PHF3: variants seen among roughly 807,000 people sequenced by gnomAD.
PHF3 encodes the protein PHD finger protein 3.
In PHF3, 41 loss-of-function variants were observed where a neutral mutation model predicts 178.4. That is an observed-to-expected ratio of 0.23 (90% CI 0.18 to 0.30). PHF3 has a LOEUF of 0.30. Among genes scored for constraint, PHF3 ranks in the 10% least tolerant of loss-of-function variants. PHF3 has a pLI of 1.00. For missense variants in PHF3, 2,346 were observed against 2,398.1 expected (o/e 0.98, Z 0.45); for synonymous variants, 842 against 800.5 (o/e 1.05, Z -0.88).
intron 2 of PHF3, among the ~76,000 whole-genome samples, chr6:63,663,709 A>G (rs1765563425): frequency 6.6e-6 from 1 of 152,314 alleles, no homozygotes; most frequent in Middle Eastern, 3.4e-3. Context: ...TAACAGTGGT[A>G]TAAAGAAAGA....
chr6:63,663,902 A>G (rs1397622664), intron 2 of PHF3, among the ~76,000 whole-genome samples: 1 of 152,198 alleles, frequency 6.6e-6, no homozygotes, highest in East Asian at 1.9e-4. Context: ...GGGGAGGGAA[A>G]GGTAATATCT....
At chr6:63,645,182 A>G (rs1764733359) in intron 1 of PHF3, among the ~76,000 whole-genome samples, 2 of 151,970 alleles carry the variant, frequency 1.3e-5, no homozygotes, top group South Asian at 4.1e-4. Flanking sequence ...CTGGCAGGAA[A>G]ATTGTTTTTA....
intron 2 of PHF3, among the ~76,000 whole-genome samples, chr6:63,658,238 C>T (rs1765318947): frequency 1.3e-5 from 2 of 152,194 alleles, no homozygotes; most frequent in African/African-American, 4.8e-5. Flanking sequence ...AGCTTCAGCT[C>T]CTTTGGACTC....
In PHF3 at chr6:63,718,093, AG is replaced by A. The variant is rs1251059170; in HGVS notation, c.*4387del. Among the ~76,000 whole-genome samples the A allele has an allele frequency of 3.9e-5, 6 of 152,030 alleles. No individual in the cohort carries two copies. Among genetic ancestry groups the A allele is most frequent in the African/African-American group, 1.4e-4 (6 of 41,442 alleles). On this transcript the variant is annotated 3_prime_UTR_variant, in exon 16 of 16. Transcript: ENST00000262043. ...TGTTGATTTGTTACATGAACTTTCCAGGATTTTAAGGTGAAAAATATATTTT... is the reference window on the plus strand; with the variant it reads ...TGTTGATTTGTTACATGAACTTTCCAGATTTTAAGGTGAAAAATATATTTT...
chr6:63,645,482 C>G (rs955834704), intron 1 of PHF3, among the ~76,000 whole-genome samples: 9 of 152,026 alleles, frequency 5.9e-5, no homozygotes, highest in Non-Finnish European at 1.0e-4. Context: ...AAATTCTTCC[C>G]TCATTTTTAT....
chr6:63,683,543 T>G (rs913324082), intron 3 of PHF3, among the ~76,000 whole-genome samples: 2 of 152,086 alleles, frequency 1.3e-5, no homozygotes, highest in African/African-American at 4.8e-5. Flanking sequence ...TGTGGTACTC[T>G]GTGTTGATAT....
intron 2 of PHF3, among the ~76,000 whole-genome samples, chr6:63,654,275 G>A (rs926413081): frequency 2.0e-5 from 3 of 152,178 alleles, no homozygotes; most frequent in African/African-American, 7.2e-5. Flanking sequence ...TATTATTACA[G>A]AGACAATCAT....
At position 63,721,027 on chromosome 6, in the gene PHF3, G is replaced by A. The variant is rs1222876361; in HGVS notation, c.*7319G>A. The A allele has an allele frequency of 6.4e-7, 1 of 1,551,196 alleles. No homozygotes were observed. Among genetic ancestry groups the A allele is most frequent in the South Asian group, 1.2e-5 (1 of 84,048 alleles). On this transcript the variant is annotated 3_prime_UTR_variant, in exon 16 of 16. Transcript: ENST00000262043. ...GCCAGAAAATCATTTTCTTCATTTT[G>A]AGCTATTCCCATCCATACAATTAGA...
chr6:63,703,501 C>T (rs1391451813), intron 10 of PHF3, 35 bp from the exon 11 acceptor site: 3 of 1,573,482 alleles, frequency 1.9e-6, no homozygotes, highest in Non-Finnish European at 2.6e-6. Context: ...CAAATTTTAT[C>T]AGCTAAAACT....
rs187444323 is a variant in PHF3, at chr6:63,636,299, C to T, written c.-26+149C>T. ...CTCCCGCGCAGCCGAGAGATCGCCTCTCGGGCCTCTTGCGCAACGTCCTCG... is the reference window on the plus strand; with the variant it reads ...CTCCCGCGCAGCCGAGAGATCGCCTTTCGGGCCTCTTGCGCAACGTCCTCG... On this transcript the variant is annotated intron_variant, in intron 1 of 15. Transcript: ENST00000262043. The T allele has an allele frequency of 1.1e-4, 24 of 217,738 alleles. No homozygotes were observed. In the Admixed American group the frequency reaches 1.1e-3, roughly 10 times the overall value. 13.5% of individuals were successfully genotyped at this position (217,738 alleles called of 1,614,324 possible). A position where few individuals can be genotyped will look rare whatever the true frequency, so the allele number is the denominator to read the frequency against.
At chr6:63,667,513 A>G (rs928022239) in intron 2 of PHF3, among the ~76,000 whole-genome samples, 2 of 152,196 alleles carry the variant, frequency 1.3e-5, no homozygotes, top group African/African-American at 4.8e-5. Flanking sequence ...TTTATCATGT[A>G]TCTTCCCAAA....
At chr6:63,703,305 GA>G (rs1353724940) in intron 10 of PHF3, among the ~76,000 whole-genome samples, 1 of 151,958 alleles carries the variant, frequency 6.6e-6, no homozygotes, top group Non-Finnish European at 1.5e-5. Context: ...AATCTTACTA[GA>G]AGGCTTGAAG....
In PHF3 at chr6:63,720,583, C is replaced by T. The variant is rs549203667; in HGVS notation, c.*6875C>T. On this transcript the variant is annotated 3_prime_UTR_variant, in exon 16 of 16. Coordinates refer to ENST00000262043, the MANE Select transcript of PHF3 (RefSeq NM_001370348.2). ...ATTTATGTATAGTGTGTACTAAAATCTCTAGTGTTAACTTATGTAACCTCA... is the reference window on the plus strand; with the variant it reads ...ATTTATGTATAGTGTGTACTAAAATTTCTAGTGTTAACTTATGTAACCTCA... 6.9e-7 allele frequency: 1 copy of T among 1,446,186 alleles called. No individual in the cohort carries two copies. Among genetic ancestry groups the T allele is most frequent in the Admixed American group, 2.7e-5 (1 of 36,976 alleles). The allele number at this position is 1,446,186 out of a possible 1,614,324, so 89.6% of individuals were successfully genotyped here.
At chr6:63,699,997 A>G (rs1767402940) in intron 8 of PHF3, among the ~76,000 whole-genome samples, 2 of 152,186 alleles carry the variant, frequency 1.3e-5, no homozygotes, top group South Asian at 2.1e-4. Context: ...TATGAAGACC[A>G]TTACATTGAG....
At position 63,646,692 on chromosome 6, in the gene PHF3, C is replaced by T; in HGVS notation, c.141C>T (p.Asn47=). ...ATGTCTTAGAGGACTCGCTGAAGAA[C>T]ATGCTCAGCGATAAGGATCCTATGC... ...SQNVLEDSLK[N]MLSDKDPMLG... Residue 47 remains asparagine, a synonymous_variant, in exon 2 of 16, where the codon AAC becomes AAT. Transcript: ENST00000262043. 2 of 1,613,022 alleles carry T rather than the reference C, an allele frequency of 1.2e-6. No individual in the cohort carries two copies. Among genetic ancestry groups the T allele is most frequent in the Non-Finnish European group, 8.5e-7 (1 of 1,179,398 alleles).
At chr6:63,648,419 A>G (rs1561939478) in intron 2 of PHF3, among the ~76,000 whole-genome samples, 1 of 152,174 alleles carries the variant, frequency 6.6e-6, no homozygotes, top group Non-Finnish European at 1.5e-5. Flanking sequence ...CTGGAACTCC[A>G]GTTACCTTCA....
intron 2 of PHF3, among the ~76,000 whole-genome samples, chr6:63,665,486 G>GTTTTTT (rs11427203): frequency 1.4e-4 from 16 of 111,214 alleles, no homozygotes; most frequent in African/African-American, 2.8e-4. Flanking sequence ...GTTTTTTTTT[G>GTTTTTT]TTTTTTTTTT....
chr6:63,650,549 C>T (rs1202073261), intron 2 of PHF3, among the ~76,000 whole-genome samples: 1 of 152,166 alleles, frequency 6.6e-6, no homozygotes, highest in East Asian at 1.9e-4. Flanking sequence ...TGCTTTCAAG[C>T]AAAGTGTTGT....
intron 1 of PHF3, among the ~76,000 whole-genome samples, chr6:63,639,295 T>A (rs1006715094): frequency 3.3e-5 from 5 of 152,208 alleles, no homozygotes; most frequent in African/African-American, 9.6e-5. Context: ...GGCTGAACTT[T>A]AACATTTTAA....
Sources: allele counts gnomAD v4.1 joint callset (sites outside exome capture counted in the v4.1 genomes callset), GRCh38; gene constraint gnomAD v4.1.1; transcripts MANE v1.5; gene names NCBI Gene and HGNC (gene_info 2026-07-23, HGNC 2026-07-21).